Variants in PRELID2 observed in about 807,000 individuals in gnomAD.
PRELID2 encodes PRELI domain-containing protein 2.
A neutral mutation model predicts 28.4 loss-of-function variants in PRELID2; 25 were observed. The ratio of observed to expected loss-of-function variants is 0.88; its 90% confidence interval spans 0.64 to 1.23. The LOEUF (loss-of-function observed/expected upper bound fraction) is 1.23. PRELID2 is among the 50% of genes most tolerant of loss of function. PRELID2 has a pLI of 0.00. For missense variants in PRELID2, 201 were observed against 214.4 expected (o/e 0.94, Z 0.39); for synonymous variants, 76 against 71.6 (o/e 1.06, Z -0.31).
At chr5:145,598,265 T>A (rs545559390) in intron 1 of PRELID2, among the ~76,000 whole-genome samples, 1 of 152,066 alleles carries the variant, frequency 6.6e-6, no homozygotes, top group African/African-American at 2.4e-5. Context: ...GGATGAGAGA[T>A]AAAGTTGGAG....
chr5:145,835,211 G>T lies in PRELID2; in HGVS notation c.41C>A (p.Pro14His). The T allele has an allele frequency of 6.4e-7, 1 of 1,550,428 alleles. No homozygotes were observed. Among genetic ancestry groups the T allele is most frequent in the South Asian group, 1.2e-5 (1 of 83,948 alleles). Reference protein sequence around the residue: ...SVDVHQVYKYPFEQVVASFLR... With the variant: ...SVDVHQVYKYHFEQVVASFLR... ...AAAGCTGGCGACCACCTGCTCGAAG[G>T]GGTACTTGTACACCTGGTGCACATC... The change falls in exon 1 of 7, where the codon CCC becomes CAC. Residue 14 changes from proline (P) to histidine (H), a missense_variant. Coordinates refer to ENST00000683046, the MANE Select transcript of PRELID2 (RefSeq NM_205846.3).
At chr5:145,539,424 A>T (rs115713511) in intron 1 of PRELID2, among the ~76,000 whole-genome samples, 2,325 of 152,102 alleles carry the variant, frequency 0.015, 59 homozygotes, top group African/African-American at 0.047. Flanking sequence ...GGAGCCCAAG[A>T]ATCTGTATTC....
At chr5:145,470,792 G>T (rs916769097), downstream of PRELID2, among the ~76,000 whole-genome samples, 6 of 152,070 alleles carry the variant, frequency 3.9e-5, no homozygotes, top group Non-Finnish European at 8.8e-5. Context: ...GTGACTAATA[G>T]ACCCTCTCCT....
intron 1 of PRELID2, among the ~76,000 whole-genome samples, chr5:145,503,535 A>G (rs1007653867): frequency 8.5e-5 from 13 of 152,258 alleles, no homozygotes; most frequent in African/African-American, 2.9e-4. Context: ...GCCCTATGAA[A>G]AAAATCACTA....
chr5:145,390,969 G>A, the PRELID2 span, among the ~76,000 whole-genome samples: 11 of 152,142 alleles, frequency 7.2e-5, no homozygotes, highest in Non-Finnish European at 1.5e-4. Flanking sequence ...AATCTCCATT[G>A]ACTCCATGTC....
At chr5:145,552,837 A>G (rs1561504854) in intron 1 of PRELID2, among the ~76,000 whole-genome samples, 1 of 152,214 alleles carries the variant, frequency 6.6e-6, no homozygotes, top group Non-Finnish European at 1.5e-5. Context: ...GGTATTCACA[A>G]TTAAAGTTAT....
At chr5:145,248,789 C>T in the PRELID2 span, among the ~76,000 whole-genome samples, 2 of 152,048 alleles carry the variant, frequency 1.3e-5, no homozygotes, top group African/African-American at 2.4e-5. Context: ...GAGCGAGATT[C>T]TATCTCAAAA....
At chr5:145,250,476 G>A in the PRELID2 span, among the ~76,000 whole-genome samples, 1 of 152,114 alleles carries the variant, frequency 6.6e-6, no homozygotes, top group Non-Finnish European at 1.5e-5. Context: ...AGAAGCTGCT[G>A]ACTGACCAAC....
At chr5:145,818,469 G>T (rs1054463226) in intron 3 of PRELID2, among the ~76,000 whole-genome samples, 3 of 152,132 alleles carry the variant, frequency 2.0e-5, no homozygotes, top group South Asian at 4.1e-4. Context: ...ACCTAGAAAT[G>T]TATGGTTTCC....
chr5:145,475,015 A>G (rs976029932), intron 1 of PRELID2, among the ~76,000 whole-genome samples: 1 of 152,224 alleles, frequency 6.6e-6, no homozygotes, highest in Non-Finnish European at 1.5e-5. Flanking sequence ...TCTGAAAATT[A>G]TGAAAGACTA....
the PRELID2 span, among the ~76,000 whole-genome samples, chr5:145,351,078 G>A: frequency 6.6e-6 from 1 of 152,146 alleles, no homozygotes; most frequent in Non-Finnish European, 1.5e-5. Flanking sequence ...TTACAAAAGA[G>A]GAAATTGAGG....
intron 1 of PRELID2, among the ~76,000 whole-genome samples, chr5:145,493,263 G>A (rs1018422914): frequency 3.9e-5 from 6 of 151,904 alleles, no homozygotes; most frequent in Admixed American, 6.6e-5. Flanking sequence ...CTTCTCCCTC[G>A]CTGCCTATGT....
At chr5:145,440,617 T>C in the PRELID2 span, among the ~76,000 whole-genome samples, 155 of 152,176 alleles carry the variant, frequency 1.0e-3, no homozygotes, top group African/African-American at 3.7e-3. Flanking sequence ...GCTTTTTATT[T>C]CTGTTAATGG....
At chr5:145,518,979 T>C (rs190165820) in intron 1 of PRELID2, among the ~76,000 whole-genome samples, 128 of 152,314 alleles carry the variant, frequency 8.4e-4, no homozygotes, top group Non-Finnish European at 9.1e-4. Context: ...TGTTCCATTT[T>C]TGTATCCCAT....
At chr5:145,491,911 T>C (rs1752273213) in intron 1 of PRELID2, among the ~76,000 whole-genome samples, 1 of 152,196 alleles carries the variant, frequency 6.6e-6, no homozygotes, top group African/African-American at 2.4e-5. Flanking sequence ...CTCCAGTTTG[T>C]ATATATACCA....
chr5:145,731,753 C>T (rs1281821502), intron 1 of PRELID2, among the ~76,000 whole-genome samples: 1 of 152,176 alleles, frequency 6.6e-6, no homozygotes, highest in Non-Finnish European at 1.5e-5. Flanking sequence ...AAGGCACAGG[C>T]CATAAAGGTC....
chr5:145,475,018 A>G (rs1304383505), intron 1 of PRELID2, among the ~76,000 whole-genome samples: 4 of 152,222 alleles, frequency 2.6e-5, no homozygotes, highest in African/African-American at 9.6e-5. Flanking sequence ...GAAAATTATG[A>G]AAGACTATTC....
chr5:145,421,111 G>C, the PRELID2 span, among the ~76,000 whole-genome samples: 1 of 151,794 alleles, frequency 6.6e-6, no homozygotes, highest in South Asian at 2.1e-4. Context: ...TAAGCTTTTT[G>C]ATGTGCTGCT....
At chr5:145,346,611 G>A in the PRELID2 span, among the ~76,000 whole-genome samples, 1 of 152,106 alleles carries the variant, frequency 6.6e-6, no homozygotes, top group Non-Finnish European at 1.5e-5. Flanking sequence ...ATTGCAAAAT[G>A]AGCATCAGAA....
Sources: allele counts gnomAD v4.1 joint callset (sites outside exome capture counted in the v4.1 genomes callset), GRCh38; gene constraint gnomAD v4.1.1; transcripts MANE v1.5; gene names NCBI Gene and HGNC (gene_info 2026-07-23, HGNC 2026-07-21).